Variants in ABCC4 observed in about 807,000 individuals in gnomAD.
The protein encoded by ABCC4 is ATP-binding cassette sub-family C member 4.
Under a neutral mutation model 168.5 loss-of-function variants are expected in ABCC4, and 102 were observed. The ratio of observed to expected loss-of-function variants is 0.61; its 90% CI spans 0.52 to 0.71. The LOEUF (loss-of-function observed/expected upper bound fraction) is 0.71, where lower values mean the gene tolerates loss of function less well. ABCC4 is among the 30% of genes least tolerant of loss of function. The probability of loss-of-function intolerance (pLI) is 0.00; values close to 1 mark genes in which losing one functional copy is unlikely to be tolerated. For synonymous variants in ABCC4, 617 were observed against 590.7 expected (o/e 1.04, Z -0.65); for missense variants, 1,402 against 1,605.8 (o/e 0.87, Z 2.17).
chr13:95,209,953 A>T (rs572162921), intron 5 of ABCC4, among the ~76,000 whole-genome samples: 9 of 152,364 alleles, frequency 5.9e-5, no homozygotes, highest in African/African-American at 2.2e-4. Flanking sequence ...CCTGTACTAC[A>T]GTGCCCACCA....
chr13:95,107,843 A>T (rs569082869), intron 20 of ABCC4, among the ~76,000 whole-genome samples: 1 of 152,108 alleles, frequency 6.6e-6, no homozygotes, highest in South Asian at 2.1e-4. Flanking sequence ...GGAGTCTGAG[A>T]TGGGAGAATT....
chr13:95,021,649 G>C lies in ABCC4; in HGVS notation c.3904C>G (p.His1302Asp), dbSNP rs750865442. The C allele has an allele frequency of 6.2e-6, 10 of 1,611,678 alleles. No individual in the cohort carries two copies. The highest frequency in any genetic ancestry group is 8.5e-6 in the Non-Finnish European group (10 of 1,178,322). Reference sequence around the variant, plus strand: ...GTGTTTGTAACCATGTGGTCAGTGTGACCAATATGTGGATAATTTCTTTTG... The same window carrying C: ...GTGTTTGTAACCATGTGGTCAGTGTCACCAATATGTGGATAATTTCTTTTG... The part of the protein sequence containing the change: ...YFKRNYPHIG[H>D]TDHMVTNTSN... Residue 1302 changes from histidine to aspartate, a missense_variant, in exon 31 of 31, where the codon CAC becomes GAC. Transcript: ENST00000645237.
intron 18 of ABCC4, among the ~76,000 whole-genome samples, chr13:95,162,717 T>C (rs2037138374): frequency 6.6e-6 from 1 of 152,224 alleles, no homozygotes; most frequent in Non-Finnish European, 1.5e-5. Flanking sequence ...TCATCCAAGT[T>C]CAATAAAAGC....
chr13:95,073,625 C>T (rs776401164), intron 23 of ABCC4: 1 of 205,696 alleles, frequency 4.9e-6, no homozygotes, highest in East Asian at 1.2e-4. Flanking sequence ...TTACATTATT[C>T]CACTTTCTAC....
At position 95,075,427 on chromosome 13, in the gene ABCC4, C is replaced by T. The variant is rs1191286009; in HGVS notation, c.2806+5G>A. 1.2e-6 allele frequency: 2 copies of T among 1,613,940 alleles called. No individual in the cohort carries two copies. Among genetic ancestry groups the T allele is most frequent in the Non-Finnish European group, 1.7e-6 (2 of 1,179,974 alleles). On this transcript the variant is annotated splice_donor_5th_base_variant and intron_variant, in intron 22 of 30. Coordinates refer to ENST00000645237, the MANE Select transcript of ABCC4 (RefSeq NM_005845.5). ...CTTTGAAACCATTTCCAGAAATAGA[C>T]AGACCTGAATGTAAATCCTGGTGTG...
Position 95,207,843 on chromosome 13 carries a change from C to T in ABCC4, c.868G>A (p.Ala290Thr), listed in dbSNP as rs758200287. Reference protein sequence around the residue: ...ITGIRIIKMYAWEKSFSNLIT... With the variant: ...ITGIRIIKMYTWEKSFSNLIT... The stretch of plus-strand genomic sequence containing the variant: ...AGATTTGAAAATGACTTTTCCCAGG[C>T]GTACATTTTTATTATCCTTATACCA... Residue 290 changes from alanine to threonine, a missense_variant, in exon 7 of 31, where the codon GCC (alanine) becomes ACC (threonine). By Grantham distance (58) the Ala-to-Thr change is moderately conservative. This residue lies in a region of ABCC4 where 78 missense variants were observed against 133.0 expected (regional missense o/e 0.59). Transcript: ENST00000645237. 2 of 1,612,806 alleles carry T rather than the reference C, an allele frequency of 1.2e-6. No homozygotes were observed. Among genetic ancestry groups the T allele is most frequent in the African/African-American group, 1.3e-5 (1 of 74,860 alleles).
At chr13:95,293,067 C>T (rs1285017999) in intron 1 of ABCC4, among the ~76,000 whole-genome samples, 1 of 152,126 alleles carries the variant, frequency 6.6e-6, no homozygotes, top group Non-Finnish European at 1.5e-5. Context: ...AACTGCAGTT[C>T]TGTGACCTGG....
At chr13:95,158,639 C>T (rs1279251712) in intron 19 of ABCC4, among the ~76,000 whole-genome samples, 2 of 152,188 alleles carry the variant, frequency 1.3e-5, no homozygotes, top group Non-Finnish European at 2.9e-5. Flanking sequence ...AGTCTTTCTA[C>T]CCCACTCAAA....
chr13:95,058,551 G>C (rs1238314268), intron 26 of ABCC4, among the ~76,000 whole-genome samples: 1 of 95,196 alleles, frequency 1.1e-5, no homozygotes, highest in Non-Finnish European at 1.9e-5. Context: ...CCTGGCAACA[G>C]AGCAAGACTC....
Position 95,102,400 on chromosome 13 carries a change from C to T in ABCC4, c.2535+13522G>A, listed in dbSNP as rs192248113. On this transcript the variant is annotated intron_variant, in intron 20 of 30. Transcript: ENST00000645237. ...GGTTCAAGAGTTCTTTCCAGGTCGG[C>T]CTCCCAAATTGCTAGGACTACAACC... Among the ~76,000 whole-genome samples the T allele has an allele frequency of 3.3e-5, 5 of 152,130 alleles. No homozygotes were observed. The East Asian group carries it at 5.8e-4, about 18-fold the overall frequency.
At chr13:95,189,259 G>A (rs954677052) in intron 9 of ABCC4, among the ~76,000 whole-genome samples, 5 of 148,838 alleles carry the variant, frequency 3.4e-5, no homozygotes, top group Non-Finnish European at 5.9e-5. Context: ...TCAGCCTCCC[G>A]AGTAGCTGGG....
At chr13:95,175,191 C>T (rs1594235923) in intron 13 of ABCC4, among the ~76,000 whole-genome samples, 1 of 152,216 alleles carries the variant, frequency 6.6e-6, no homozygotes, top group African/African-American at 2.4e-5. Context: ...AGCCGACTCG[C>T]TATCCACTTT....
intron 1 of ABCC4, among the ~76,000 whole-genome samples, chr13:95,261,577 G>A (rs2040532298): frequency 6.6e-6 from 1 of 151,926 alleles, no homozygotes; most frequent in African/African-American, 2.4e-5. Context: ...GAAAGGAATG[G>A]CTTATCCATT....
chr13:95,268,356 T>C (rs2040738864), intron 1 of ABCC4, among the ~76,000 whole-genome samples: 1 of 152,148 alleles, frequency 6.6e-6, no homozygotes, highest in Non-Finnish European at 1.5e-5. Flanking sequence ...CCAGGTATTG[T>C]CCAAGGTTTC....
intron 1 of ABCC4, among the ~76,000 whole-genome samples, chr13:95,275,074 CT>C (rs2040940855): frequency 6.6e-6 from 1 of 152,168 alleles, no homozygotes; most frequent in African/African-American, 2.4e-5. Context: ...AAGACTCCGT[CT>C]CAAAAAATAA....
At chr13:95,087,350 T>C (rs544611864) in intron 20 of ABCC4, among the ~76,000 whole-genome samples, 162 of 152,266 alleles carry the variant, frequency 1.1e-3, no homozygotes, top group African/African-American at 3.6e-3. Context: ...AAACCCCGTC[T>C]CTACTAAAAA....
chr13:95,026,823 A>G (rs1593961845), intron 30 of ABCC4, among the ~76,000 whole-genome samples: 1 of 152,038 alleles, frequency 6.6e-6, no homozygotes, highest in Non-Finnish European at 1.5e-5. Flanking sequence ...TGGGAGGTTA[A>G]GGCTCCAGTG....
At chr13:95,233,831 A>C (rs2039689230) in intron 4 of ABCC4, among the ~76,000 whole-genome samples, 1 of 152,232 alleles carries the variant, frequency 6.6e-6, no homozygotes, top group Non-Finnish European at 1.5e-5. Context: ...CAACTGTTTA[A>C]TGTAAAAACT....
At chr13:95,025,271 C>G in intron 30 of ABCC4, among the ~76,000 whole-genome samples, 1 of 65,680 alleles carries the variant, frequency 1.5e-5, no homozygotes, top group East Asian at 4.2e-4. Flanking sequence ...ACCCCCACAC[C>G]CCCACACACA....
Sources: allele counts gnomAD v4.1 joint callset (sites outside exome capture counted in the v4.1 genomes callset), GRCh38; gene constraint gnomAD v4.1.1; regional missense constraint gnomAD v4.1.1; transcripts MANE v1.5; gene names NCBI Gene and HGNC (gene_info 2026-07-23, HGNC 2026-07-21).